Variants in MCPH1 observed in about 807,000 individuals in gnomAD.
The protein encoded by MCPH1 is microcephalin.
A neutral mutation model predicts 84.5 loss-of-function variants in MCPH1; 104 were observed. That is an observed-to-expected ratio of 1.23 (90% CI 1.05 to 1.45). The LOEUF is 1.45. Ranked by LOEUF, MCPH1 falls within the 40% of genes most tolerant of loss-of-function variation. The pLI, the probability that MCPH1 is intolerant of heterozygous loss-of-function variation, is 0.00. For synonymous variants in MCPH1, 514 were observed against 366.8 expected (o/e 1.40, Z -4.58); for missense variants, 1,498 against 1,005.7 (o/e 1.49, Z -6.62).
chr8:6,574,552 A>T (rs1171470396), intron 12 of MCPH1, among the ~76,000 whole-genome samples: 2 of 152,246 alleles, frequency 1.3e-5, no homozygotes, highest in African/African-American at 4.8e-5. Flanking sequence ...TTAAAGATGA[A>T]AGTAAAATTT....
intron 12 of MCPH1, among the ~76,000 whole-genome samples, chr8:6,528,634 C>G (rs1162389830): frequency 6.6e-6 from 1 of 152,262 alleles, no homozygotes; most frequent in Non-Finnish European, 1.5e-5. Flanking sequence ...CAGTGCGGCT[C>G]TCCCGCGGAT....
chr8:6,477,553 T>G (rs1446985993), intron 9 of MCPH1, 41 bp from the exon 10 acceptor site: 2 of 1,581,576 alleles, frequency 1.3e-6, no homozygotes, highest in Non-Finnish European at 1.7e-6. Flanking sequence ...ATTTTTTATG[T>G]TTTTGACTGT....
chr8:6,408,981 G>A (rs906104944), intron 1 of MCPH1, among the ~76,000 whole-genome samples: 1 of 152,016 alleles, frequency 6.6e-6, no homozygotes, highest in Non-Finnish European at 1.5e-5. Flanking sequence ...TGCCTCCCGG[G>A]TTCAAGTGAT....
At chr8:6,549,338 G>A (rs529497706) in intron 12 of MCPH1, among the ~76,000 whole-genome samples, 3 of 152,158 alleles carry the variant, frequency 2.0e-5, no homozygotes, top group African/African-American at 4.8e-5. Context: ...TAATAAAAGA[G>A]ACCAAAAAGG....
chr8:6,584,790 A>G (rs1411658199), intron 12 of MCPH1, among the ~76,000 whole-genome samples: 1 of 152,226 alleles, frequency 6.6e-6, no homozygotes, highest in Non-Finnish European at 1.5e-5. Flanking sequence ...CTATTTGGGG[A>G]AGTCCTTGCT....
At chr8:6,408,313 A>G (rs1242846557) in intron 1 of MCPH1, among the ~76,000 whole-genome samples, 1 of 150,748 alleles carries the variant, frequency 6.6e-6, no homozygotes, top group African/African-American at 2.4e-5. Context: ...AGCTCAAGCA[A>G]TTCTGCTTCA....
intron 12 of MCPH1, among the ~76,000 whole-genome samples, chr8:6,531,969 C>G (rs554668795): frequency 1.3e-5 from 2 of 152,260 alleles, no homozygotes; most frequent in East Asian, 3.9e-4. Flanking sequence ...CTTTTCATTT[C>G]TCAAATGTTC....
intron 6 of MCPH1, among the ~76,000 whole-genome samples, chr8:6,441,494 A>G (rs1009098236): frequency 1.2e-4 from 18 of 152,162 alleles, no homozygotes; most frequent in African/African-American, 4.1e-4. Context: ...TTTCTTGACT[A>G]TTGTATGAAC....
rs1447382049 is a variant in MCPH1 at position 6,445,513 on chromosome 8, A to G, written c.1791A>G (p.Glu597=). The part of the protein sequence containing the change: ...IVDCNMETST[E]EKENLPGGYS... ...ACTGTAACATGGAGACGTCTACAGAAGAGAAGGAAAACTTACCCGGAGGAT... is the reference window on the plus strand; with the variant it reads ...ACTGTAACATGGAGACGTCTACAGAGGAGAAGGAAAACTTACCCGGAGGAT... The change falls in exon 8 of 14, where the codon GAA becomes GAG. Residue 597 remains glutamate, a synonymous_variant. Transcript: ENST00000344683. The G allele has an allele frequency of 1.2e-6, 2 of 1,608,648 alleles. No individual in the cohort carries two copies. Among genetic ancestry groups the G allele is most frequent in the Non-Finnish European group, 1.7e-6 (2 of 1,178,298 alleles).
intron 12 of MCPH1, chr8:6,619,181 C>G (rs1051365916): frequency 6.6e-6 from 1 of 152,046 alleles, no homozygotes; most frequent in South Asian, 2.1e-4. Context: ...GAGATCGGTG[C>G]CCCCCAGAAG....
intron 12 of MCPH1, among the ~76,000 whole-genome samples, chr8:6,534,008 G>A (rs1329117167): frequency 2.6e-5 from 4 of 151,880 alleles, no homozygotes; most frequent in African/African-American, 7.3e-5. Context: ...ATGCCCCCTC[G>A]CCATCGACTC....
intron 8 of MCPH1, among the ~76,000 whole-genome samples, chr8:6,451,403 C>T (rs1805065358): frequency 6.6e-6 from 1 of 152,162 alleles, no homozygotes. Context: ...CTTTAAAGAA[C>T]TTAGCTAAGT....
intron 12 of MCPH1, among the ~76,000 whole-genome samples, chr8:6,512,495 A>G (rs986251759): frequency 2.0e-5 from 3 of 152,170 alleles, no homozygotes; most frequent in African/African-American, 7.2e-5. Flanking sequence ...TGGGTATTTC[A>G]TAATGTGTGC....
At chr8:6,554,515 T>TA (rs751140339) in intron 12 of MCPH1, among the ~76,000 whole-genome samples, 10 of 152,242 alleles carry the variant, frequency 6.6e-5, no homozygotes, top group Non-Finnish European at 8.8e-5. Context: ...CCATTGTCCA[T>TA]AAAAAATTAT....
At chr8:6,601,057 G>A (rs1026159452) in intron 12 of MCPH1, among the ~76,000 whole-genome samples, 5 of 152,130 alleles carry the variant, frequency 3.3e-5, no homozygotes, top group African/African-American at 1.2e-4. Context: ...TGTGGGCTGG[G>A]GGCTGGCTTT....
chr8:6,583,324 T>A (rs1378454851), intron 12 of MCPH1, among the ~76,000 whole-genome samples: 1 of 152,006 alleles, frequency 6.6e-6, no homozygotes, highest in Non-Finnish European at 1.5e-5. Flanking sequence ...GCTGGCAGAG[T>A]GTCCTAGGAA....
At chr8:6,526,580 A>G (rs1483704201) in intron 12 of MCPH1, among the ~76,000 whole-genome samples, 1 of 152,262 alleles carries the variant, frequency 6.6e-6, no homozygotes, top group East Asian at 1.9e-4. Flanking sequence ...TTTGCTTTTC[A>G]AAACCCTAAA....
At chr8:6,591,362 T>G (rs1291514831) in intron 12 of MCPH1, among the ~76,000 whole-genome samples, 3 of 152,250 alleles carry the variant, frequency 2.0e-5, no homozygotes, top group African/African-American at 7.2e-5. Flanking sequence ...GGTCTTGATC[T>G]CATATGGCAT....
At chr8:6,568,487 G>C (rs73201312) in intron 12 of MCPH1, among the ~76,000 whole-genome samples, 2,179 of 152,314 alleles carry the variant, frequency 0.014, 25 homozygotes, top group Middle Eastern at 0.024. Context: ...GACCCCTGCT[G>C]TTGTCCAGTT....
Sources: allele counts gnomAD v4.1 joint callset (sites outside exome capture counted in the v4.1 genomes callset), GRCh38; gene constraint gnomAD v4.1.1; transcripts MANE v1.5; gene names NCBI Gene and HGNC (gene_info 2026-07-23, HGNC 2026-07-21).